FBXL13: variants seen among roughly 807,000 people sequenced by gnomAD.
FBXL13 encodes F-box and leucine rich repeat protein 13.
In FBXL13, 67 loss-of-function variants were observed where a neutral mutation model predicts 83.6. The observed-to-expected ratio is 0.80, with a 90% confidence interval of 0.66 to 0.98. The LOEUF is 0.98. FBXL13 is among the 50% of genes least tolerant of loss of function. The probability of loss-of-function intolerance (pLI) is 0.00; values close to 1 mark genes in which losing one functional copy is unlikely to be tolerated. For synonymous variants in FBXL13, 272 were observed against 299.5 expected (o/e 0.91, Z 0.95); for missense variants, 822 against 866.5 (o/e 0.95, Z 0.64).
intron 6 of FBXL13, among the ~76,000 whole-genome samples, chr7:103,002,420 A>C (rs182668617): frequency 6.6e-6 from 1 of 152,326 alleles, no homozygotes; most frequent in Admixed American, 6.5e-5. Flanking sequence ...TTTAGGCTTC[A>C]TACTAGAGAT....
chr7:102,951,753 T>A (rs950077620), intron 8 of FBXL13, among the ~76,000 whole-genome samples: 6 of 143,870 alleles, frequency 4.2e-5, no homozygotes, highest in African/African-American at 1.3e-4. Context: ...TGCAGTGAGC[T>A]GTGATCATGC....
intron 6 of FBXL13, chr7:102,978,607 C>T (rs1294396271): frequency 3.3e-5 from 6 of 180,708 alleles, no homozygotes; most frequent in Non-Finnish European, 5.8e-5. Context: ...TTGGTGCTGA[C>T]GCCATTTTAG....
At chr7:102,946,650 T>TTTTATTTA (rs10570570) in intron 8 of FBXL13, among the ~76,000 whole-genome samples, 2,813 of 140,970 alleles carry the variant, frequency 0.02, 92 homozygotes, top group East Asian at 0.085. Flanking sequence ...TCTATTTTTA[T>TTTTATTTA]TTTATTTATT....
intron 18 of FBXL13, among the ~76,000 whole-genome samples, chr7:102,830,443 G>C (rs1800463982): frequency 6.6e-6 from 1 of 152,172 alleles, no homozygotes. Context: ...AAGTTGCAGA[G>C]AGTCAGTTGG....
chr7:102,811,911 G>C (rs1042155244), downstream of FBXL13, among the ~76,000 whole-genome samples: 1 of 152,180 alleles, frequency 6.6e-6, no homozygotes, highest in African/African-American at 2.4e-5. Flanking sequence ...GTCAACCTCA[G>C]TGGGGGAGAA....
rs1432533117 is a variant in FBXL13, at chr7:102,828,036, T to C, written c.1854+4804A>G. Among the ~76,000 whole-genome samples the C allele has an allele frequency of 2.6e-5, 4 of 152,232 alleles. No homozygotes were observed. In the East Asian group the frequency reaches 7.7e-4, roughly 29 times the overall value. On this transcript the variant is annotated intron_variant, in intron 18 of 19. Coordinates refer to ENST00000313221, the Ensembl canonical transcript of FBXL13. ...TAGCGTGATGCCTCCAGCTTTGTTC[T>C]TTTGGCTTAGGATCGACTTGGCAAT... is the stretch of plus-strand genomic sequence containing the variant.
At chr7:103,031,572 T>G (rs1794516119) in intron 2 of FBXL13, among the ~76,000 whole-genome samples, 1 of 152,128 alleles carries the variant, frequency 6.6e-6, no homozygotes, top group South Asian at 2.1e-4. Flanking sequence ...TACCCTCACA[T>G]AACACTCACA....
intron 11 of FBXL13, among the ~76,000 whole-genome samples, chr7:102,904,847 C>T (rs1813503469): frequency 6.6e-6 from 1 of 151,912 alleles, no homozygotes; most frequent in Non-Finnish European, 1.5e-5. Context: ...TTTCAATTTC[C>T]TTCTTAATTT....
At chr7:102,836,368 A>G (rs1801984018) in intron 17 of FBXL13, among the ~76,000 whole-genome samples, 1 of 152,218 alleles carries the variant, frequency 6.6e-6, no homozygotes, top group Non-Finnish European at 1.5e-5. Context: ...CTTTAAACAC[A>G]TATAAGTCAT....
chr7:102,853,943 C>A (rs1415065271), intron 17 of FBXL13, among the ~76,000 whole-genome samples: 1 of 152,170 alleles, frequency 6.6e-6, no homozygotes, highest in Non-Finnish European at 1.5e-5. Flanking sequence ...CTAGTTCAAC[C>A]ATTGTGGAAG....
intron 8 of FBXL13, among the ~76,000 whole-genome samples, chr7:102,955,422 C>T (rs1235235281): frequency 2.0e-5 from 3 of 151,742 alleles, no homozygotes; most frequent in East Asian, 3.9e-4. Flanking sequence ...GCACTAAATG[C>T]CCCAAGAGTA....
In FBXL13 at chr7:103,035,138, G is replaced by A. The variant is rs192204970; in HGVS notation, c.1-5720C>T. On this transcript the variant is annotated intron_variant, in intron 2 of 19. Transcript: ENST00000313221. Reference sequence around the variant, plus strand: ...AGTAAAGTTGGCAGGCAAGGGAAAGGAAGAGTATTTGGCACTTAAGGATTC... The same window carrying A: ...AGTAAAGTTGGCAGGCAAGGGAAAGAAAGAGTATTTGGCACTTAAGGATTC... 1.5e-3 allele frequency among the ~76,000 whole-genome samples: 222 copies of A among 152,304 alleles called. 1 individual carries two copies. The highest frequency in any genetic ancestry group is 9.1e-4 in the Non-Finnish European group (62 of 68,016).
At chr7:102,949,712 G>A in intron 8 of FBXL13, among the ~76,000 whole-genome samples, 1 of 152,142 alleles carries the variant, frequency 6.6e-6, no homozygotes, top group Non-Finnish European at 1.5e-5. Flanking sequence ...ATATATTTTA[G>A]TTACAAAATA....
chr7:103,070,078 C>CAAA (rs76010935), intron 1 of FBXL13, among the ~76,000 whole-genome samples: 6 of 67,302 alleles, frequency 8.9e-5, no homozygotes, highest in Admixed American at 3.3e-4. Flanking sequence ...GACTCTGTCT[C>CAAA]AAAAAAAAAA....
Position 102,937,919 on chromosome 7 carries a change from G to A in FBXL13, c.725-5986C>T, listed in dbSNP as rs567677376. The stretch of plus-strand genomic sequence containing the variant: ...ATTCCCCAACTCGGAGTTGAGACTT[G>A]CCCAGCTGACTTGCAATGAGTCAGA... On this transcript the variant is annotated intron_variant, in intron 8 of 19. Transcript: ENST00000313221. 2.0e-5 allele frequency among the ~76,000 whole-genome samples: 3 copies of A among 152,302 alleles called. No individual in the cohort carries two copies. The East Asian group carries it at 5.8e-4, about 29-fold the overall frequency.
intron 7 of FBXL13, among the ~76,000 whole-genome samples, chr7:102,965,031 C>T (rs577817546): frequency 2.6e-5 from 4 of 152,286 alleles, no homozygotes; most frequent in Non-Finnish European, 5.9e-5. Context: ...GGACAAAATG[C>T]ACAGTATCTA....
At chr7:102,923,721 G>A (rs919993417) in intron 10 of FBXL13, among the ~76,000 whole-genome samples, 4 of 152,060 alleles carry the variant, frequency 2.6e-5, no homozygotes, top group African/African-American at 9.7e-5. Flanking sequence ...CTACTCAGGA[G>A]GCTGAGGCAG....
chr7:102,924,507 T>A (rs1002814909), intron 10 of FBXL13, among the ~76,000 whole-genome samples: 20 of 152,104 alleles, frequency 1.3e-4, no homozygotes, highest in Admixed American at 3.9e-4. Flanking sequence ...TAGATTTGAC[T>A]AAAAATGTGA....
chr7:102,985,927 T>A (rs1370718707), intron 6 of FBXL13, among the ~76,000 whole-genome samples: 2 of 152,010 alleles, frequency 1.3e-5, no homozygotes, highest in Admixed American at 1.3e-4. Flanking sequence ...ATGAACAAGA[T>A]AACACATGTT....
Sources: gnomAD v4.1 joint callset for allele counts (sites outside exome capture counted in the v4.1 genomes callset) on GRCh38, gnomAD v4.1.1 for gene constraint, MANE v1.5 for transcripts, NCBI Gene and HGNC (gene_info 2026-07-23, HGNC 2026-07-21) for gene names.